Variants in ZNF385D observed in about 807,000 individuals in gnomAD.
ZNF385D encodes the protein zinc finger protein 659.
Under a neutral mutation model 35.8 loss-of-function variants are expected in ZNF385D, and 15 were observed. The ratio of observed to expected loss-of-function variants is 0.42; its 90% confidence interval spans 0.28 to 0.64. The LOEUF (loss-of-function observed/expected upper bound fraction) is 0.64. ZNF385D is among the 30% of genes least tolerant of loss of function. The pLI, the probability that ZNF385D is intolerant of heterozygous loss-of-function variation, is 0.23. For missense variants in ZNF385D, 474 were observed against 494.6 expected, an observed-to-expected ratio of 0.96 and a Z score of 0.39; for synonymous variants, 212 against 186.8, an observed-to-expected ratio of 1.13 and a Z score of -1.10.
intron 2 of ZNF385D, among the ~76,000 whole-genome samples, chr3:22,221,914 C>T (rs1281573267): frequency 1.3e-5 from 2 of 152,016 alleles, no homozygotes; most frequent in African/African-American, 4.8e-5. Context: ...TGAATGCATA[C>T]AGAGAAACCA....
chr3:21,547,390 A>G (rs949720383), intron 3 of ZNF385D, among the ~76,000 whole-genome samples: 2 of 151,958 alleles, frequency 1.3e-5, no homozygotes, highest in African/African-American at 4.8e-5. Context: ...ATTTAAATAC[A>G]TGTTTTCTAA....
At chr3:22,263,036 C>T (rs562288992) in intron 2 of ZNF385D, among the ~76,000 whole-genome samples, 3 of 152,002 alleles carry the variant, frequency 2.0e-5, no homozygotes, top group African/African-American at 7.2e-5. Context: ...ACATTTTCCA[C>T]CTCCAGTATC....
chr3:22,231,913 G>A (rs1160907164), intron 2 of ZNF385D, among the ~76,000 whole-genome samples: 1 of 151,894 alleles, frequency 6.6e-6, no homozygotes, highest in African/African-American at 2.4e-5. Context: ...AGAGTATATG[G>A]CACCTCTTCC....
intron 2 of ZNF385D, among the ~76,000 whole-genome samples, chr3:21,613,342 T>C (rs1028662154): frequency 7.6e-5 from 11 of 144,296 alleles, no homozygotes; most frequent in African/African-American, 2.6e-4. Flanking sequence ...AGTCAGAAGA[T>C]AAAAAAAAAA....
chr3:21,524,616 G>A (rs1431158320), intron 3 of ZNF385D, among the ~76,000 whole-genome samples: 2 of 152,082 alleles, frequency 1.3e-5, no homozygotes, highest in African/African-American at 4.8e-5. Flanking sequence ...GGTCTCTAGA[G>A]GCCAAATTCA....
At chr3:21,828,713 CA>C (rs1286596400) in intron 3 of ZNF385D, among the ~76,000 whole-genome samples, 10 of 152,202 alleles carry the variant, frequency 6.6e-5, no homozygotes, top group African/African-American at 2.4e-4. Flanking sequence ...TAAAACAATG[CA>C]AATTTTTTAT....
chr3:21,946,756 C>T (rs929255372), intron 3 of ZNF385D, among the ~76,000 whole-genome samples: 1 of 152,146 alleles, frequency 6.6e-6, no homozygotes, highest in Non-Finnish European at 1.5e-5. Context: ...CACTTGAACC[C>T]AAGAGGCGGA....
intron 2 of ZNF385D, among the ~76,000 whole-genome samples, chr3:22,320,879 T>A (rs1694378361): frequency 6.6e-6 from 1 of 152,010 alleles, no homozygotes; most frequent in Non-Finnish European, 1.5e-5. Context: ...ACAGCATATT[T>A]AAATTTTGTA....
chr3:22,048,248 T>TA (rs202114987), intron 3 of ZNF385D, among the ~76,000 whole-genome samples: 2,827 of 152,222 alleles, frequency 0.019, 54 homozygotes, highest in East Asian at 0.053. Context: ...TAGTTTGCTG[T>TA]AATCCCATTT....
chr3:21,753,680 GTTTGT>G (rs1296062745), upstream of ZNF385D, among the ~76,000 whole-genome samples: 1 of 152,114 alleles, frequency 6.6e-6, no homozygotes, highest in African/African-American at 2.4e-5. Context: ...AACAAGTGAT[GTTTGT>G]TTTAATTGTA....
At chr3:21,508,968 G>GGT in intron 4 of ZNF385D, among the ~76,000 whole-genome samples, 1 of 90,414 alleles carries the variant, frequency 1.1e-5, no homozygotes, top group Non-Finnish European at 2.3e-5. Context: ...ACACCTGGGG[G>GGT]CTTTTTTTTT....
Position 21,539,452 on chromosome 3 carries a change from AAG to A in ZNF385D, c.276+25120_276+25121del, listed in dbSNP as rs1429004200. On this transcript the variant is annotated intron_variant, in intron 3 of 7. Transcript: ENST00000281523. This position sits in a 1 kb window ranked among gnomAD's most constrained non-coding sequence, Gnocchi z 4.0. Reference sequence around the variant, plus strand: ...ACTGTCATAGGCAGTTCAACCATAAAAGAAATTTTAATTTTTGTAATTAGGCC... The same window carrying A: ...ACTGTCATAGGCAGTTCAACCATAAAAAATTTTAATTTTTGTAATTAGGCC... Among the ~76,000 whole-genome samples the A allele has an allele frequency of 1.3e-5, 2 of 152,168 alleles. No individual in the cohort carries two copies. The highest frequency in any genetic ancestry group is 1.3e-4 in the Admixed American group (2 of 15,278).
At position 22,327,529 on chromosome 3, in the gene ZNF385D, A is replaced by G. The variant is rs186041405; in HGVS notation, c.106+44921T>C. On this transcript the variant is annotated intron_variant, in intron 2 of 5. Transcript: ENST00000494108. ...CACATTGAAAAATGCTTCCAGCCAC[A>G]TTTCCATGCATCGTTTCGGGAAGTC... 1.2e-4 allele frequency among the ~76,000 whole-genome samples: 18 copies of G among 152,326 alleles called. No individual in the cohort carries two copies. In the South Asian group the frequency reaches 2.1e-3, roughly 18 times the overall value.
chr3:21,474,827 A>T (rs1704129847), intron 4 of ZNF385D, among the ~76,000 whole-genome samples: 1 of 152,144 alleles, frequency 6.6e-6, no homozygotes, highest in Non-Finnish European at 1.5e-5. Context: ...TAAGTGATAA[A>T]TTCCTCATAT....
chr3:22,166,741 G>A (rs1028280447), intron 3 of ZNF385D, among the ~76,000 whole-genome samples: 1 of 152,082 alleles, frequency 6.6e-6, no homozygotes, highest in Non-Finnish European at 1.5e-5. Context: ...ATTATGCTTG[G>A]GACTAACTCT....
intron 3 of ZNF385D, among the ~76,000 whole-genome samples, chr3:22,137,017 G>C (rs1349393100): frequency 2.6e-5 from 4 of 152,160 alleles, no homozygotes; most frequent in Non-Finnish European, 1.5e-5. Context: ...ATATCATTTA[G>C]CATTTGTCAA....
intron 2 of ZNF385D, among the ~76,000 whole-genome samples, chr3:21,638,452 C>T (rs1233234456): frequency 6.6e-6 from 1 of 152,080 alleles, no homozygotes; most frequent in Non-Finnish European, 1.5e-5. Flanking sequence ...AGGTCCTCAG[C>T]TGTGATACAA....
intron 3 of ZNF385D, among the ~76,000 whole-genome samples, chr3:21,963,943 A>C (rs1311709349): frequency 6.6e-6 from 1 of 152,176 alleles, no homozygotes; most frequent in East Asian, 1.9e-4. Context: ...ATGTTATTTT[A>C]TGTTAGATAT....
At chr3:22,011,650 G>A (rs1442366741) in intron 3 of ZNF385D, among the ~76,000 whole-genome samples, 1 of 151,922 alleles carries the variant, frequency 6.6e-6, no homozygotes, top group African/African-American at 2.4e-5. Context: ...TAATAAGTAT[G>A]GTTATAAATA....
Sources: gnomAD v4.1 joint callset for allele counts (sites outside exome capture counted in the v4.1 genomes callset) on GRCh38, gnomAD v4.1.1 for gene constraint, Gnocchi (gnomAD v3.1) non-coding constraint, MANE v1.5 for transcripts, NCBI Gene and HGNC (gene_info 2026-07-23, HGNC 2026-07-21) for gene names.